Variants in NGF observed in about 807,000 individuals in gnomAD.
NGF encodes nerve growth factor, also known as beta-nerve growth factor.
Under a neutral mutation model 12.8 loss-of-function variants are expected in NGF, and 4 were observed. The observed-to-expected ratio is 0.31, with a 90% CI of 0.15 to 0.72. NGF has a LOEUF of 0.72. Among genes scored for constraint, NGF ranks in the 30% least tolerant of loss-of-function variants. NGF has a pLI of 0.69. For synonymous variants in NGF, 140 were observed against 130.0 expected (o/e 1.08, Z -0.52); for missense variants, 283 against 330.8 (o/e 0.86, Z 1.12).
intron 1 of NGF, among the ~76,000 whole-genome samples, chr1:115,298,559 C>A (rs1226129185): frequency 1.3e-5 from 2 of 151,386 alleles, no homozygotes; most frequent in Non-Finnish European, 2.9e-5. Context: ...CTCTCCTGGG[C>A]AGAAACTAGG....
At chr1:115,331,978 A>C (rs538264260) in intron 1 of NGF, among the ~76,000 whole-genome samples, 1 of 152,206 alleles carries the variant, frequency 6.6e-6, no homozygotes, top group Non-Finnish European at 1.5e-5. Context: ...CACAGGTTCT[A>C]TGTAATTCAG....
chr1:115,298,849 G>A (rs1274149214), intron 1 of NGF, among the ~76,000 whole-genome samples: 3 of 151,736 alleles, frequency 2.0e-5, no homozygotes, highest in Middle Eastern at 3.2e-3. Flanking sequence ...CTGTGAGTAG[G>A]GAAACTCACT....
intron 1 of NGF, among the ~76,000 whole-genome samples, chr1:115,333,760 CCTCT>C (rs61701292): frequency 4.6e-5 from 6 of 131,644 alleles, no homozygotes; most frequent in South Asian, 2.5e-4. Context: ...CTCCCTCCCC[CCTCT>C]CTCTCTTTCT....
intron 1 of NGF, among the ~76,000 whole-genome samples, chr1:115,328,508 GGA>G (rs1654831185): frequency 6.6e-6 from 1 of 152,160 alleles, no homozygotes; most frequent in African/African-American, 2.4e-5. Flanking sequence ...TTATACCAGG[GGA>G]GAAATTGAAA....
chr1:115,324,237 C>G (rs1320042644), intron 1 of NGF, among the ~76,000 whole-genome samples: 2 of 152,148 alleles, frequency 1.3e-5, no homozygotes, highest in Non-Finnish European at 2.9e-5. Flanking sequence ...TCAAGACTGT[C>G]CTGGAACTAA....
intron 1 of NGF, among the ~76,000 whole-genome samples, chr1:115,326,126 C>G (rs751245068): frequency 2.0e-5 from 3 of 151,980 alleles, no homozygotes; most frequent in Non-Finnish European, 4.4e-5. Flanking sequence ...GAAAGCTGAG[C>G]TCTAGGGCAC....
intron 1 of NGF, among the ~76,000 whole-genome samples, chr1:115,322,328 G>C (rs1407935566): frequency 6.6e-6 from 1 of 152,120 alleles, no homozygotes; most frequent in African/African-American, 2.4e-5. Context: ...CAGCCAGGTG[G>C]GACCAACTCC....
chr1:115,323,778 A>T (rs1654693346), intron 1 of NGF, among the ~76,000 whole-genome samples: 1 of 152,232 alleles, frequency 6.6e-6, no homozygotes, highest in South Asian at 2.1e-4. Context: ...TGGCCAGCTA[A>T]TCACATGTAG....
chr1:115,331,900 T>C (rs1386707807), intron 1 of NGF, among the ~76,000 whole-genome samples: 3 of 152,134 alleles, frequency 2.0e-5, no homozygotes, highest in Non-Finnish European at 4.4e-5. Context: ...GAGAAGAAAA[T>C]CTATCCAGTA....
chr1:115,337,591 T>C (rs1327958453), intron 1 of NGF, among the ~76,000 whole-genome samples: 1 of 152,068 alleles, frequency 6.6e-6, no homozygotes, highest in Admixed American at 6.5e-5. Flanking sequence ...GACCCCGGCG[T>C]TGGCTCGCAG....
At chr1:115,295,331 C>T (rs1653833353) in intron 1 of NGF, among the ~76,000 whole-genome samples, 1 of 152,100 alleles carries the variant, frequency 6.6e-6, no homozygotes, top group Non-Finnish European at 1.5e-5. Flanking sequence ...CCAGAAAGTA[C>T]CAGAAAAACC....
At chr1:115,297,890 G>A (rs765359208) in intron 1 of NGF, among the ~76,000 whole-genome samples, 1 of 152,204 alleles carries the variant, frequency 6.6e-6, no homozygotes, top group Non-Finnish European at 1.5e-5. Flanking sequence ...AGTGCTGCCT[G>A]GGCATCAGGA....
chr1:115,286,025 C>A lies in NGF; in HGVS notation c.*45G>T. The A allele has an allele frequency of 1.2e-6, 2 of 1,606,600 alleles. No individual in the cohort carries two copies. The highest frequency in any genetic ancestry group is 1.7e-6 in the Non-Finnish European group (2 of 1,176,320). On this transcript the variant is annotated 3_prime_UTR_variant, in exon 3 of 3. Transcript: ENST00000369512. ...TTTACAGGTTGAGGTAGGGAGGGGC[C>A]CAGGAGAGTGTAGAAGGGGCAGGGG... is the stretch of plus-strand genomic sequence containing the variant.
rs189706305 is a variant in NGF, at chr1:115,321,845, G to A, written c.-137+16359C>T. On this transcript the variant is annotated intron_variant, in intron 1 of 2. Transcript: ENST00000369512. ...TGAAATAAGAAGCACCAAACAGATG[G>A]CAAGCCCCTTATGGGCAGGTGTAAG... Among the ~76,000 whole-genome samples, 128 of 152,108 alleles carry A rather than the reference G, an allele frequency of 8.4e-4. 1 individual carries two copies. The highest frequency in any genetic ancestry group is 2.3e-3 in the Admixed American group (35 of 15,290).
At chr1:115,287,024 C>G (rs543219914) in intron 2 of NGF, among the ~76,000 whole-genome samples, 1 of 152,102 alleles carries the variant, frequency 6.6e-6, no homozygotes, top group East Asian at 1.9e-4. Flanking sequence ...GTGTGGTCAC[C>G]CCATCCGAGC....
intron 1 of NGF, among the ~76,000 whole-genome samples, chr1:115,310,432 T>C (rs866964088): frequency 6.6e-6 from 1 of 152,174 alleles, no homozygotes; most frequent in Non-Finnish European, 1.5e-5. Context: ...GTTCCCACCA[T>C]GGTGCTGAGC....
chr1:115,294,382 C>A (rs755381109), intron 1 of NGF, among the ~76,000 whole-genome samples: 2 of 152,186 alleles, frequency 1.3e-5, no homozygotes, highest in African/African-American at 2.4e-5. Flanking sequence ...TTTCTAGAAA[C>A]AATGGAAGTT....
intron 1 of NGF, among the ~76,000 whole-genome samples, chr1:115,334,554 T>C (rs1571101937): frequency 6.6e-6 from 1 of 152,146 alleles, no homozygotes; most frequent in East Asian, 1.9e-4. Context: ...TAGAGTCTGA[T>C]TTGCTGGCTC....
In NGF at chr1:115,337,267, G is replaced by GTTTTT. The variant is rs67307707; in HGVS notation, c.-137+932_-137+936dup. ...TCGAAATTTTTTTTGTTTTGTTTTT[G>GTTTTT]TTTTTTTTTTTTTTTTTTTTTTTTT... is the stretch of plus-strand genomic sequence containing the variant. On this transcript the variant is annotated intron_variant, in intron 1 of 2. Coordinates refer to ENST00000369512, the MANE Select transcript of NGF (RefSeq NM_002506.3). 4.3e-4 allele frequency among the ~76,000 whole-genome samples: 35 copies of GTTTTT among 81,024 alleles called. 2 individuals are homozygous for GTTTTT. Among genetic ancestry groups the GTTTTT allele is most frequent in the Non-Finnish European group, 5.6e-4 (24 of 42,672 alleles). 53.2% of individuals were successfully genotyped at this position (81,024 alleles called of 152,430 possible). A position where few individuals can be genotyped will look rare whatever the true frequency, so the allele number is the denominator to read the frequency against.
Sources: allele counts gnomAD v4.1 joint callset (sites outside exome capture counted in the v4.1 genomes callset), GRCh38; gene constraint gnomAD v4.1.1; transcripts MANE v1.5; gene names NCBI Gene and HGNC (gene_info 2026-07-23, HGNC 2026-07-21).